CENPN: variants seen among roughly 807,000 people sequenced by gnomAD.
CENPN encodes the protein interphase centromere complex protein 32.
CENPN carries 36 observed loss-of-function variants against 48.6 expected under a neutral mutation model. That is an observed-to-expected ratio of 0.74 (90% CI 0.57 to 0.98). CENPN has a LOEUF of 0.98. CENPN is among the 50% of genes least tolerant of loss of function. The pLI, the probability that CENPN is intolerant of heterozygous loss-of-function variation, is 0.00. For missense variants in CENPN, 439 were observed against 399.2 expected, an observed-to-expected ratio of 1.10 and a Z score of -0.85; for synonymous variants, 166 against 135.2, an observed-to-expected ratio of 1.23 and a Z score of -1.58.
downstream of CENPN, chr16:81,032,468 G>A: frequency 8.2e-7 from 1 of 1,218,804 alleles, no homozygotes; most frequent in East Asian, 2.5e-5. Context: ...TCATCACTCT[G>A]ATGCCTCCCC....
At chr16:81,010,690 G>A (rs1040483459) in intron 1 of CENPN, among the ~76,000 whole-genome samples, 1 of 152,200 alleles carries the variant, frequency 6.6e-6, no homozygotes, top group East Asian at 1.9e-4. Flanking sequence ...CAGAATTACA[G>A]AATTCTTGAG....
At chr16:81,014,587 G>A (rs761562243) in intron 3 of CENPN, among the ~76,000 whole-genome samples, 1 of 152,060 alleles carries the variant, frequency 6.6e-6, no homozygotes, top group South Asian at 2.1e-4. Flanking sequence ...TCAAATCCCA[G>A]TATGTCACTC....
rs537349055 is a variant in CENPN, at chr16:81,020,846, T to G, written c.531+570T>G. Among the ~76,000 whole-genome samples, 62 of 152,220 alleles carry G rather than the reference T, an allele frequency of 4.1e-4. No homozygotes were observed. The South Asian group carries it at 7.9e-3, about 19-fold the overall frequency. On this transcript the variant is annotated intron_variant, in intron 6 of 10. Coordinates refer to ENST00000305850, the MANE Select transcript of CENPN (RefSeq NM_001100624.3). Reference sequence around the variant, plus strand: ...TGCTCATGTCTGTAATCCCAATACTTTGGGAGGCCGAGGCAGGTGGATCAC... The same window carrying G: ...TGCTCATGTCTGTAATCCCAATACTGTGGGAGGCCGAGGCAGGTGGATCAC...
rs1235591045 is a variant in CENPN, at chr16:81,029,380, T to C, written c.*729T>C. ...TAAATACCCTATCTTTTTAAAAATT[T>C]TTTCCTTTCTAATTTTTTATTTCTT... On this transcript the variant is annotated 3_prime_UTR_variant, in exon 11 of 11. Transcript: ENST00000305850. 1.2e-6 allele frequency: 1 copy of C among 817,438 alleles called. No individual in the cohort carries two copies. Among genetic ancestry groups the C allele is most frequent in the Admixed American group, 6.2e-5 (1 of 16,018 alleles). The allele number at this position is 817,438 out of a possible 1,614,324, so 50.6% of individuals were successfully genotyped here. A position where few individuals can be genotyped will look rare whatever the true frequency, so the allele number is the denominator to read the frequency against.
intron 1 of CENPN, among the ~76,000 whole-genome samples, chr16:81,011,503 T>C (rs377289883): frequency 1.3e-5 from 2 of 152,168 alleles, no homozygotes; most frequent in East Asian, 1.9e-4. Context: ...AATCAGTAAA[T>C]GAATGAATGA....
intron 5 of CENPN, among the ~76,000 whole-genome samples, chr16:81,018,087 A>G (rs1970007534): frequency 6.6e-6 from 1 of 152,088 alleles, no homozygotes; most frequent in South Asian, 2.1e-4. Context: ...AGTGATGGAA[A>G]TGCTCTGTAT....
intron 2 of CENPN, among the ~76,000 whole-genome samples, chr16:81,012,632 G>A (rs1447959005): frequency 2.0e-5 from 3 of 152,028 alleles, no homozygotes. Context: ...GTCTTGCTCT[G>A]TCATCCATGC....
chr16:81,011,544 A>G (rs1041251839), intron 1 of CENPN, among the ~76,000 whole-genome samples: 2 of 152,230 alleles, frequency 1.3e-5, no homozygotes, highest in African/African-American at 4.8e-5. Context: ...AAACATCAAA[A>G]TACTCTAGCC....
intron 3 of CENPN, among the ~76,000 whole-genome samples, chr16:81,016,530 G>C (rs1300654508): frequency 6.6e-6 from 1 of 152,220 alleles, no homozygotes; most frequent in African/African-American, 2.4e-5. Flanking sequence ...GGGAGGCCAA[G>C]GTAGGTGGAT....
Position 81,028,912 on chromosome 16 carries a change from T to G in CENPN, c.*261T>G, listed in dbSNP as rs1970641012. ...TATATATATGGCCCCACACTTGACCTTGAGTGCCTGAATGCTCTGAAATCA... is the reference window on the plus strand; with the variant it reads ...TATATATATGGCCCCACACTTGACCGTGAGTGCCTGAATGCTCTGAAATCA... On this transcript the variant is annotated 3_prime_UTR_variant, in exon 11 of 11. Coordinates refer to ENST00000305850, the MANE Select transcript of CENPN (RefSeq NM_001100624.3). The G allele has an allele frequency of 8.8e-7, 1 of 1,133,254 alleles. No individual in the cohort carries two copies. The highest frequency in any genetic ancestry group is 1.1e-6 in the Non-Finnish European group (1 of 925,698). The allele number at this position is 1,133,254 out of a possible 1,614,324, so 70.2% of individuals were successfully genotyped here. A position where few individuals can be genotyped will look rare whatever the true frequency, so the allele number is the denominator to read the frequency against.
intron 5 of CENPN, among the ~76,000 whole-genome samples, chr16:81,019,190 ATCTTCTTTTTCT>A (rs1970064942): frequency 6.6e-6 from 1 of 151,930 alleles, no homozygotes; most frequent in Non-Finnish European, 1.5e-5. Flanking sequence ...TGACATAGAA[ATCTTCTTTTTCT>A]TCTTCTTTTT....
At chr16:81,028,546 C>CTT in intron 10 of CENPN, 23 bp from the exon 11 acceptor site, 10 of 1,579,362 alleles carry the variant, frequency 6.3e-6, no homozygotes, top group Admixed American at 1.9e-5. Context: ...TTCTTTTTCC[C>CTT]TTTTTTTTTT....
At chr16:81,010,946 G>A (rs1384549871) in intron 1 of CENPN, among the ~76,000 whole-genome samples, 4 of 152,130 alleles carry the variant, frequency 2.6e-5, no homozygotes, top group African/African-American at 4.8e-5. Context: ...GTACAGTAGC[G>A]AGATTGATCC....
intron 8 of CENPN, 83 bp from the exon 9 acceptor site, chr16:81,026,443 G>A (rs918594036): frequency 8.3e-5 from 47 of 569,204 alleles, no homozygotes; most frequent in Non-Finnish European, 1.4e-4. Context: ...CAAACAATTC[G>A]AAGGGTTAGG....
chr16:81,019,497 C>T (rs2151689915), intron 5 of CENPN, among the ~76,000 whole-genome samples: 1 of 152,082 alleles, frequency 6.6e-6, no homozygotes, highest in Admixed American at 6.6e-5. Context: ...GGATTACAGG[C>T]ATAAGCCACA....
intron 4 of CENPN, 49 bp from the exon 5 acceptor site, chr16:81,017,709 G>A (rs1460258740): frequency 7.9e-7 from 1 of 1,260,278 alleles, no homozygotes; most frequent in Non-Finnish European, 1.1e-6. Context: ...ATTTACTGAA[G>A]ACATTGTAGC....
chr16:81,023,180 C>T, intron 7 of CENPN: 1 of 315,790 alleles, frequency 3.2e-6, no homozygotes, highest in Non-Finnish European at 6.1e-6. Context: ...ATGACAAATA[C>T]AGATCTGTCC....
At chr16:81,012,882 A>C (rs184311756) in intron 2 of CENPN, among the ~76,000 whole-genome samples, 358 of 152,376 alleles carry the variant, frequency 2.3e-3, no homozygotes, top group African/African-American at 8.3e-3. Flanking sequence ...GGTGTGAGCC[A>C]CCATGCCTGG....
At chr16:81,012,730 C>T (rs12446304) in intron 2 of CENPN, among the ~76,000 whole-genome samples, 1 of 151,914 alleles carries the variant, frequency 6.6e-6, no homozygotes, top group Non-Finnish European at 1.5e-5. Flanking sequence ...TGAGTAGCTG[C>T]GACTACAGGC....
Sources: gnomAD v4.1 joint callset for allele counts (sites outside exome capture counted in the v4.1 genomes callset) on GRCh38, gnomAD v4.1.1 for gene constraint, MANE v1.5 for transcripts, NCBI Gene and HGNC (gene_info 2026-07-23, HGNC 2026-07-21) for gene names.